Variants in BAG4 observed in about 807,000 individuals in gnomAD.
The protein encoded by BAG4 is BAG cochaperone 4, also known as BAG family molecular chaperone regulator 4.
A neutral mutation model predicts 52.1 loss-of-function variants in BAG4; 28 were observed. The observed-to-expected ratio is 0.54, with a 90% CI of 0.40 to 0.74. The LOEUF (loss-of-function observed/expected upper bound fraction) is 0.74, where lower values mean the gene tolerates loss of function less well. BAG4 is among the 30% of genes least tolerant of loss of function. BAG4 has a pLI of 0.00. For missense variants in BAG4, 525 were observed against 572.0 expected (o/e 0.92, Z 0.84); for synonymous variants, 208 against 217.0 (o/e 0.96, Z 0.37).
chr8:38,199,858 C>G (rs1316249702), intron 2 of BAG4, among the ~76,000 whole-genome samples: 1 of 151,926 alleles, frequency 6.6e-6, no homozygotes, highest in Non-Finnish European at 1.5e-5. Context: ...AGTTTTAGCT[C>G]TCACATTTAG....
chr8:38,209,328 T>G, intron 4 of BAG4, 61 bp downstream of exon 4: 168 of 1,600,564 alleles, frequency 1.0e-4, no homozygotes, highest in Non-Finnish European at 1.3e-4. Flanking sequence ...TAACATGGTT[T>G]ATATAGTTTC....
At chr8:38,200,908 G>C (rs905837694) in intron 2 of BAG4, among the ~76,000 whole-genome samples, 1 of 152,164 alleles carries the variant, frequency 6.6e-6, no homozygotes, top group South Asian at 2.1e-4. Context: ...AGGCAGCTGA[G>C]ATTTTTATTG....
At chr8:38,183,581 C>T (rs1803310994) in intron 1 of BAG4, among the ~76,000 whole-genome samples, 6 of 152,204 alleles carry the variant, frequency 3.9e-5, no homozygotes, top group Admixed American at 3.9e-4. Flanking sequence ...ACCTTAGCAG[C>T]AGATAGCAGT....
intron 1 of BAG4, among the ~76,000 whole-genome samples, chr8:38,186,687 T>C (rs1803370848): frequency 6.6e-6 from 1 of 152,140 alleles, no homozygotes; most frequent in Non-Finnish European, 1.5e-5. Context: ...TTTGATCTAC[T>C]CAGTCTGTGG....
intron 4 of BAG4, 73 bp downstream of exon 4, chr8:38,209,340 G>A: frequency 1.3e-6 from 2 of 1,579,534 alleles, no homozygotes; most frequent in East Asian, 2.2e-5. Context: ...TATAGTTTCT[G>A]TACTGGTTTG....
At chr8:38,194,011 A>G (rs1803521502) in intron 2 of BAG4, among the ~76,000 whole-genome samples, 1 of 152,180 alleles carries the variant, frequency 6.6e-6, no homozygotes, top group African/African-American at 2.4e-5. Flanking sequence ...TGCTGGGATT[A>G]TAGGCGTGAG....
intron 1 of BAG4, among the ~76,000 whole-genome samples, chr8:38,178,830 A>G (rs1161105985): frequency 1.3e-5 from 2 of 152,106 alleles, no homozygotes; most frequent in Non-Finnish European, 2.9e-5. Context: ...TCTTTTTGGG[A>G]TAATGAAATG....
intron 1 of BAG4, among the ~76,000 whole-genome samples, chr8:38,183,788 G>A (rs1309768738): frequency 6.6e-6 from 1 of 151,598 alleles, no homozygotes; most frequent in East Asian, 2.0e-4. Flanking sequence ...CTCCCTAAGT[G>A]CTGGGATTAC....
At chr8:38,194,506 T>C (rs1368463281) in intron 2 of BAG4, among the ~76,000 whole-genome samples, 1 of 142,678 alleles carries the variant, frequency 7.0e-6, no homozygotes, top group Non-Finnish European at 1.5e-5. Context: ...AACCTCCGCC[T>C]CTCAGGTTCA....
At chr8:38,178,655 AT>A (rs1353252752) in intron 1 of BAG4, among the ~76,000 whole-genome samples, 1 of 152,248 alleles carries the variant, frequency 6.6e-6, no homozygotes. Flanking sequence ...GCATGCTACA[AT>A]ATGAATGAAC....
At chr8:38,198,302 T>A (rs2130680724) in intron 2 of BAG4, among the ~76,000 whole-genome samples, 1 of 146,152 alleles carries the variant, frequency 6.8e-6, no homozygotes, top group East Asian at 2.1e-4. Flanking sequence ...GAGAATGGTG[T>A]GAATCCGGGA....
intron 1 of BAG4, among the ~76,000 whole-genome samples, chr8:38,185,772 T>C (rs574068623): frequency 5.3e-4 from 80 of 152,248 alleles, no homozygotes; most frequent in African/African-American, 1.9e-3. Context: ...ACCATGTTGG[T>C]CAGGTTGGTC....
chr8:38,189,081 C>G (rs918695882), intron 1 of BAG4, among the ~76,000 whole-genome samples: 1 of 151,894 alleles, frequency 6.6e-6, no homozygotes, highest in Admixed American at 6.6e-5. Context: ...CCTCAGCCTC[C>G]TGAGTAGCTG....
intron 1 of BAG4, among the ~76,000 whole-genome samples, chr8:38,186,204 G>C (rs931538249): frequency 6.6e-6 from 1 of 152,036 alleles, no homozygotes; most frequent in African/African-American, 2.4e-5. Flanking sequence ...ACTTGACCTT[G>C]GGCAAGGCAC....
At chr8:38,208,307 C>CTTT (rs769667054) in intron 3 of BAG4, among the ~76,000 whole-genome samples, 33 of 107,408 alleles carry the variant, frequency 3.1e-4, no homozygotes, top group Non-Finnish European at 4.1e-4. Flanking sequence ...CTGTTAGGTT[C>CTTT]TTTTTTTTTT....
At chr8:38,196,568 G>A (rs185465031) in intron 2 of BAG4, among the ~76,000 whole-genome samples, 1 of 151,950 alleles carries the variant, frequency 6.6e-6, no homozygotes, top group East Asian at 1.9e-4. Context: ...CAGGAGAATG[G>A]CATGAACCCA....
At chr8:38,200,595 T>G (rs897847332) in intron 2 of BAG4, among the ~76,000 whole-genome samples, 1 of 152,088 alleles carries the variant, frequency 6.6e-6, no homozygotes, top group Non-Finnish European at 1.5e-5. Context: ...GCTGAGATTT[T>G]CTTTTTTTCT....
chr8:38,181,950 C>CT (rs1554506196), intron 1 of BAG4, among the ~76,000 whole-genome samples: 1 of 81,718 alleles, frequency 1.2e-5, no homozygotes, highest in Admixed American at 1.3e-4. Context: ...GTTGAGAAAC[C>CT]TTTTGAGCTA....
At chr8:38,183,817 C>A (rs1007263981) in intron 1 of BAG4, among the ~76,000 whole-genome samples, 1 of 152,058 alleles carries the variant, frequency 6.6e-6, no homozygotes, top group African/African-American at 2.4e-5. Flanking sequence ...GCTACCGTGC[C>A]TGGCATGACC....
Sources: gnomAD v4.1 joint callset for allele counts (sites outside exome capture counted in the v4.1 genomes callset) on GRCh38, gnomAD v4.1.1 for gene constraint, MANE v1.5 for transcripts, NCBI Gene and HGNC (gene_info 2026-07-23, HGNC 2026-07-21) for gene names.